The following CA6 variants were observed in gnomAD, a reference collection of about 807,000 sequenced individuals.
CA6 encodes carbonic anhydrase 6.
Under a neutral mutation model 35.9 loss-of-function variants are expected in CA6, and 28 were observed. The observed-to-expected ratio is 0.78, with a 90% confidence interval of 0.58 to 1.07. CA6 has a LOEUF of 1.07. Ranked by LOEUF, CA6 falls within the 50% of genes least tolerant of loss-of-function variation. The pLI, the probability that CA6 is intolerant of heterozygous loss-of-function variation, is 0.00. For synonymous variants in CA6, 148 were observed against 152.6 expected, an observed-to-expected ratio of 0.97 and a Z score of 0.22; for missense variants, 377 against 382.0, an observed-to-expected ratio of 0.99 and a Z score of 0.11.
chr1:8,974,696 T>C lies in CA6; in HGVS notation c.919T>C (p.Leu307=). 1 of 1,593,978 alleles carries C rather than the reference T, an allele frequency of 6.3e-7. No individual in the cohort carries two copies. Among genetic ancestry groups the C allele is most frequent in the Non-Finnish European group, 8.6e-7 (1 of 1,168,048 alleles). ...AATTCTTGACTACTTAAGAAGAGCA[T>C]TGAACTGAGGAAAGCTAAGAGGAAG... ...EEILDYLRRA[L]N Residue 307 remains leucine (L), a synonymous_variant, in exon 8 of 8, where the codon TTG becomes CTG. Coordinates refer to ENST00000377443, the MANE Select transcript of CA6 (RefSeq NM_001215.4).
At chr1:8,971,077 G>A (rs1640098519) in intron 7 of CA6, 96 bp downstream of exon 7, 2 of 852,122 alleles carry the variant, frequency 2.3e-6, no homozygotes, top group South Asian at 1.4e-5. Flanking sequence ...TATAAGGGAA[G>A]GAGAGTCATT....
intron 4 of CA6, among the ~76,000 whole-genome samples, chr1:8,959,690 G>C (rs1425422161): frequency 1.3e-5 from 2 of 151,946 alleles, no homozygotes; most frequent in Admixed American, 6.5e-5. Flanking sequence ...CTAGCACTTT[G>C]GGAGGCCAAG....
At chr1:8,948,718 C>T (rs1557618540) in intron 1 of CA6, among the ~76,000 whole-genome samples, 1 of 152,038 alleles carries the variant, frequency 6.6e-6, no homozygotes, top group Non-Finnish European at 1.5e-5. Flanking sequence ...GCCTGTAATC[C>T]CAGCACTTTG....
In CA6 at chr1:8,963,626, C is replaced by T. The variant is rs1404919705; in HGVS notation, c.571+970C>T. Among the ~76,000 whole-genome samples, 3 of 152,114 alleles carry T rather than the reference C, an allele frequency of 2.0e-5. No homozygotes were observed. Among genetic ancestry groups the T allele is most frequent in the Admixed American group, 6.6e-5 (1 of 15,264 alleles). The stretch of plus-strand genomic sequence containing the variant: ...GCGCGATCATGGCTCAGTGCAGCCT[C>T]GACCTCTGGGACTCAGTTGATCCTC... On this transcript the variant is annotated intron_variant, in intron 5 of 7. Coordinates refer to ENST00000377443, the MANE Select transcript of CA6 (RefSeq NM_001215.4). This position sits in a 1 kb window ranked among gnomAD's most constrained non-coding sequence, Gnocchi z 4.1.
chr1:8,949,522 A>G, intron 2 of CA6, 80 bp downstream of exon 2: 1 of 1,241,330 alleles, frequency 8.1e-7, no homozygotes, highest in Non-Finnish European at 1.2e-6. Flanking sequence ...CCCTGCCAGG[A>G]ATGGCTTGCA....
At chr1:8,961,298 C>T (rs1181332581) in intron 4 of CA6, among the ~76,000 whole-genome samples, 1 of 152,176 alleles carries the variant, frequency 6.6e-6, no homozygotes, top group Non-Finnish European at 1.5e-5. Context: ...AGACTACATA[C>T]ATATATTTTT....
chr1:8,955,671 T>G lies in CA6; in HGVS notation c.260-1466T>G, dbSNP rs1362790481. On this transcript the variant is annotated intron_variant, in intron 2 of 7. Transcript: ENST00000377443. ...TCCTTTTAAGGCCCTTCCGTCCTTT[T>G]CTTGCAAGCATTGATTTTTGAGGCC... is the stretch of plus-strand genomic sequence containing the variant. 3.8e-5 allele frequency among the ~76,000 whole-genome samples: 4 copies of G among 104,492 alleles called. No homozygotes were observed. In the South Asian group the frequency reaches 1.2e-3, roughly 30 times the overall value. The allele number at this position is 104,492 out of a possible 152,430, so 68.6% of individuals were successfully genotyped here.
chr1:8,960,791 T>C (rs1453167894), intron 4 of CA6, among the ~76,000 whole-genome samples: 24 of 91,296 alleles, frequency 2.6e-4, no homozygotes, highest in African/African-American at 8.2e-4. Context: ...CACACACACA[T>C]ATATATAATG....
intron 7 of CA6, among the ~76,000 whole-genome samples, chr1:8,972,204 C>G (rs1030285069): frequency 2.6e-5 from 4 of 152,064 alleles, no homozygotes; most frequent in African/African-American, 4.8e-5. Context: ...CACACCACCA[C>G]ACCCAGCTAA....
intron 6 of CA6, among the ~76,000 whole-genome samples, chr1:8,969,749 G>A (rs996771483): frequency 1.3e-5 from 2 of 151,968 alleles, no homozygotes; most frequent in Admixed American, 1.3e-4. Context: ...AGAAAGAAAA[G>A]ACAGATTATC....
At position 8,967,799 on chromosome 1, in the gene CA6, A is replaced by G. The variant is rs376243931; in HGVS notation, c.712A>G (p.Lys238Glu). 3.1e-6 allele frequency: 5 copies of G among 1,613,936 alleles called. No individual in the cohort carries two copies. Among genetic ancestry groups the G allele is most frequent in the Non-Finnish European group, 4.2e-6 (5 of 1,179,974 alleles). The change falls in exon 6 of 8, where the codon AAG becomes GAG. Residue 238 changes from lysine to glutamate, a missense_variant. Coordinates refer to ENST00000377443, the MANE Select transcript of CA6 (RefSeq NM_001215.4). ...VHWFVLADFV[K>E]LSRTQVWKLE... ...CTGGTTTGTGCTGGCAGATTTTGTC[A>G]AGCTCTCCAGGACACAGGTAATGTA...
chr1:8,965,219 G>A (rs376516705), intron 5 of CA6, among the ~76,000 whole-genome samples: 1 of 152,210 alleles, frequency 6.6e-6, no homozygotes, highest in East Asian at 1.9e-4. Flanking sequence ...ACTCCAGCCT[G>A]GACGACAGAG....
chr1:8,974,299 A>G, intron 7 of CA6: 1 of 1,255,416 alleles, frequency 8.0e-7, no homozygotes, highest in Non-Finnish European at 1.1e-6. Context: ...ATGGCCAAAT[A>G]CGGACCTCTT....
At chr1:8,969,158 A>G (rs967664128) in intron 6 of CA6, among the ~76,000 whole-genome samples, 10 of 152,132 alleles carry the variant, frequency 6.6e-5, no homozygotes, top group Admixed American at 6.6e-4. Flanking sequence ...TACTAAAGAT[A>G]CAAAAAATTA....
At chr1:8,946,553 CCA>C (rs1569643395) in intron 1 of CA6, among the ~76,000 whole-genome samples, 1 of 152,230 alleles carries the variant, frequency 6.6e-6, no homozygotes, top group East Asian at 1.9e-4. Context: ...TTTTTTCCAT[CCA>C]CAGTGTTGGC....
intron 5 of CA6, among the ~76,000 whole-genome samples, chr1:8,966,802 T>C (rs1023239612): frequency 6.6e-6 from 1 of 152,132 alleles, no homozygotes; most frequent in Non-Finnish European, 1.5e-5. Flanking sequence ...AGGACCTCTC[T>C]AGAGCAGGAG....
chr1:8,947,274 C>T (rs1316449081), intron 1 of CA6, among the ~76,000 whole-genome samples: 1 of 152,078 alleles, frequency 6.6e-6, no homozygotes, highest in Admixed American at 6.5e-5. Context: ...TCTTTCCATA[C>T]GGGACCATGG....
chr1:8,967,963 CTT>C (rs34107058), intron 6 of CA6, 147 bp downstream of exon 6: 13,178 of 292,084 alleles, frequency 0.045, no homozygotes, highest in Middle Eastern at 0.061. Flanking sequence ...TCTAGCCAAC[CTT>C]TTTTTTTTTT....
At chr1:8,964,197 C>T (rs1382383060) in intron 5 of CA6, among the ~76,000 whole-genome samples, 1 of 152,216 alleles carries the variant, frequency 6.6e-6, no homozygotes, top group Non-Finnish European at 1.5e-5. Flanking sequence ...TCAGGGCCTC[C>T]TTTCCTGCTA....
Sources: allele counts gnomAD v4.1 joint callset (sites outside exome capture counted in the v4.1 genomes callset), GRCh38; gene constraint gnomAD v4.1.1; non-coding constraint Gnocchi (gnomAD v3.1); transcripts MANE v1.5; gene names NCBI Gene and HGNC (gene_info 2026-07-23, HGNC 2026-07-21).